UBE4B: variants seen among roughly 807,000 people sequenced by gnomAD.
UBE4B encodes the protein ubiquitin conjugation factor E4 B.
Under a neutral mutation model 148.1 loss-of-function variants are expected in UBE4B, and 27 were observed. That is an observed-to-expected ratio of 0.18 (90% CI 0.13 to 0.25). The LOEUF is 0.25. UBE4B is among the 10% of genes least tolerant of loss of function. The pLI is 1.00. For missense variants in UBE4B, 1,170 were observed against 1,662.4 expected (o/e 0.70, Z 5.15); for synonymous variants, 596 against 619.3 (o/e 0.96, Z 0.56).
Position 10,095,655 on chromosome 1 carries a change from T to C in UBE4B, c.347+59T>C, listed in dbSNP as rs945413778. The C allele has an allele frequency of 1.9e-6, 3 of 1,606,816 alleles. No individual in the cohort carries two copies. In the Admixed American group the frequency reaches 5.0e-5, roughly 27 times the overall value. ...TATTTAGGGAAAGAGAAAGATCCAT[T>C]CACTTTAGCCTCTAGTCCATAGTCA... On this transcript the variant is annotated intron_variant, in intron 3 of 27. Transcript: ENST00000343090.
chr1:10,129,275 T>C, intron 11 of UBE4B, 117 bp from the exon 12 acceptor site: 3 of 759,360 alleles, frequency 4.0e-6, no homozygotes, highest in Non-Finnish European at 6.5e-6. Flanking sequence ...AGGGAATGCA[T>C]GTGTGCCATT....
chr1:10,139,244 G>T (rs1345891631), intron 17 of UBE4B, among the ~76,000 whole-genome samples: 1 of 151,858 alleles, frequency 6.6e-6, no homozygotes, highest in Non-Finnish European at 1.5e-5. Context: ...ACAAAAATTA[G>T]CTGGGCATGG....
chr1:10,175,495 CA>C (rs376879441), intron 25 of UBE4B, among the ~76,000 whole-genome samples: 23,068 of 148,496 alleles, frequency 0.16, 2,796 homozygotes, highest in African/African-American at 0.32. Flanking sequence ...ACTAAAAATA[CA>C]AAAAATTAGC....
chr1:10,033,722 G>C (rs1481501365), intron 1 of UBE4B, 28 bp downstream of exon 1: 1 of 1,544,522 alleles, frequency 6.5e-7, no homozygotes, highest in Non-Finnish European at 8.7e-7. Flanking sequence ...CACCTTGAGG[G>C]ATTAGTTGGC....
At chr1:10,060,442 C>A (rs1644262415) in intron 1 of UBE4B, among the ~76,000 whole-genome samples, 1 of 152,044 alleles carries the variant, frequency 6.6e-6, no homozygotes. Context: ...TATAATCTTA[C>A]CGGACCACCA....
intron 1 of UBE4B, among the ~76,000 whole-genome samples, chr1:10,070,637 G>C (rs1446917060): frequency 6.6e-6 from 1 of 151,982 alleles, no homozygotes; most frequent in Non-Finnish European, 1.5e-5. Context: ...CTTTTGCTCA[G>C]GGGACATGGG....
At position 10,033,538 on chromosome 1, in the gene UBE4B, A is replaced by G. The variant is rs953601994; in HGVS notation, c.-133A>G. On this transcript the variant is annotated 5_prime_UTR_variant, in exon 1 of 28. The change abolishes an upstream ATG in the 5' untranslated region. Coordinates refer to ENST00000343090, the MANE Select transcript of UBE4B (RefSeq NM_001105562.3). ...TGTTCTTATTTTTTAACCTCTGACT[A>G]TGCAATTCTGAAACCTCCCCCATTC... 2.0e-5 allele frequency: 22 copies of G among 1,101,022 alleles called. No homozygotes were observed. Among genetic ancestry groups the G allele is most frequent in the East Asian group, 5.8e-5 (2 of 34,770 alleles). 68.2% of individuals were successfully genotyped at this position (1,101,022 alleles called of 1,614,324 possible). A position where few individuals can be genotyped will look rare whatever the true frequency, so the allele number is the denominator to read the frequency against.
In UBE4B at chr1:10,173,510, C is replaced by T. The variant is rs926268170; in HGVS notation, c.3525+2181C>T. On this transcript the variant is annotated intron_variant, in intron 25 of 27. Coordinates refer to ENST00000343090, the MANE Select transcript of UBE4B (RefSeq NM_001105562.3). ...AAAAAAAAAATTATATATATATATA[C>T]ACACACACACACAAACACTGCTTTA... is the stretch of plus-strand genomic sequence containing the variant. Among the ~76,000 whole-genome samples the T allele has an allele frequency of 5.3e-5, 8 of 149,952 alleles. No individual in the cohort carries two copies. The South Asian group carries it at 6.3e-4, about 12-fold the overall frequency.
At chr1:10,066,386 C>G (rs1349262550) in intron 1 of UBE4B, among the ~76,000 whole-genome samples, 1 of 151,788 alleles carries the variant, frequency 6.6e-6, no homozygotes, top group Non-Finnish European at 1.5e-5. Context: ...GCCTCAGCCT[C>G]CCAGAGTGCT....
Position 10,130,711 on chromosome 1 carries a change from C to A in UBE4B, c.1813-4C>A, listed in dbSNP as rs781017734. On this transcript the variant is annotated splice_region_variant and splice_polypyrimidine_tract_variant and intron_variant, in intron 13 of 27. Transcript: ENST00000343090. ...TTGACTGCATTTTTTCCTTCTCTTT[C>A]CAGGTTAAAGTGGTTGAAAAATACT... is the stretch of plus-strand genomic sequence containing the variant. The A allele has an allele frequency of 8.7e-6, 14 of 1,613,884 alleles. No homozygotes were observed. The African/African-American group carries it at 1.9e-4, about 22-fold the overall frequency.
intron 1 of UBE4B, among the ~76,000 whole-genome samples, chr1:10,051,020 TG>T (rs1644030035): frequency 6.6e-6 from 1 of 152,164 alleles, no homozygotes; most frequent in South Asian, 2.1e-4. Flanking sequence ...GTTTGCTTTT[TG>T]TTTTGAGACA....
chr1:10,091,506 A>G (rs1001728528), intron 2 of UBE4B, among the ~76,000 whole-genome samples: 15 of 151,992 alleles, frequency 9.9e-5, no homozygotes, highest in Admixed American at 2.0e-4. Context: ...GTGCAGTGGT[A>G]TGATTATAGC....
chr1:10,103,016 C>T lies in UBE4B; in HGVS notation c.504C>T (p.Val168=). Residue 168 remains valine, a synonymous_variant, in exon 5 of 28, where the codon GTC becomes GTT. Coordinates refer to ENST00000343090, the MANE Select transcript of UBE4B (RefSeq NM_001105562.3). ...AGCTGGTCTGTAAGATCTTCCGTGT[C>T]TCTTGGAAGGACCGGGACAGAGATG... ...ALQLVCKIFR[V]SWKDRDRDVI... 6.2e-7 allele frequency: 1 copy of T among 1,613,706 alleles called. No individual in the cohort carries two copies. Among genetic ancestry groups the T allele is most frequent in the Non-Finnish European group, 8.5e-7 (1 of 1,179,914 alleles).
intron 2 of UBE4B, among the ~76,000 whole-genome samples, chr1:10,091,321 G>A (rs776664179): frequency 3.3e-5 from 5 of 152,192 alleles, no homozygotes; most frequent in Admixed American, 2.6e-4. Flanking sequence ...ACAAGGGAGT[G>A]TGTGAGGTTT....
chr1:10,149,853 A>G (rs763119608), intron 20 of UBE4B, among the ~76,000 whole-genome samples: 2 of 152,164 alleles, frequency 1.3e-5, no homozygotes, highest in African/African-American at 2.4e-5. Context: ...TGTGAAGTCT[A>G]TTGTGAAAAG....
At chr1:10,133,969 A>G (rs902268441) in intron 15 of UBE4B, among the ~76,000 whole-genome samples, 1 of 151,896 alleles carries the variant, frequency 6.6e-6, no homozygotes, top group East Asian at 1.9e-4. Flanking sequence ...AGGATCACTT[A>G]AGCCCGGGAG....
chr1:10,102,702 C>T (rs1410391508), intron 4 of UBE4B, among the ~76,000 whole-genome samples: 2 of 151,996 alleles, frequency 1.3e-5, no homozygotes, highest in African/African-American at 4.8e-5. Context: ...TGAGCCACCA[C>T]GCCCGGCCAT....
At chr1:10,129,063 T>C (rs1311323976) in intron 11 of UBE4B, 1 of 216,570 alleles carries the variant, frequency 4.6e-6, no homozygotes, top group Non-Finnish European at 9.1e-6. Context: ...GGAAAAACTT[T>C]TTTGTAAAAA....
intron 1 of UBE4B, among the ~76,000 whole-genome samples, chr1:10,049,471 G>A (rs1311647176): frequency 2.0e-5 from 3 of 152,152 alleles, no homozygotes; most frequent in Non-Finnish European, 2.9e-5. Context: ...GTAGCCAGAC[G>A]CAATGATGCA....
Sources: allele counts gnomAD v4.1 joint callset (sites outside exome capture counted in the v4.1 genomes callset), GRCh38; gene constraint gnomAD v4.1.1; transcripts MANE v1.5; gene names NCBI Gene and HGNC (gene_info 2026-07-23, HGNC 2026-07-21).